COL25A1: variants seen among roughly 807,000 people sequenced by gnomAD.
COL25A1 encodes collagen type XXV alpha 1 chain.
In COL25A1, 103 loss-of-function variants were observed where a neutral mutation model predicts 128.4. The observed-to-expected ratio is 0.80, with a 90% CI of 0.68 to 0.94. The LOEUF (loss-of-function observed/expected upper bound fraction) is 0.94. Among genes scored for constraint, COL25A1 ranks in the 40% least tolerant of loss-of-function variants. COL25A1 has a pLI of 0.00. For synonymous variants in COL25A1, 279 were observed against 277.2 expected, an observed-to-expected ratio of 1.01 and a Z score of -0.06; for missense variants, 745 against 840.0, an observed-to-expected ratio of 0.89 and a Z score of 1.40.
chr4:109,075,694 A>C lies in COL25A1; in HGVS notation c.368-25515T>G, dbSNP rs539262456. Among the ~76,000 whole-genome samples the C allele has an allele frequency of 1.9e-4, 29 of 152,242 alleles. No individual in the cohort carries two copies. In the South Asian group the frequency reaches 5.8e-3, roughly 30 times the overall value. ...AATATGTAATAAAAATATATTAAGA[A>C]TTTTATGCCTTTCACTTCCTGTGTA... On this transcript the variant is annotated intron_variant, in intron 3 of 37. Transcript: ENST00000399132.
At chr4:109,291,008 T>G (rs1226022551) in intron 3 of COL25A1, among the ~76,000 whole-genome samples, 1 of 152,146 alleles carries the variant, frequency 6.6e-6, no homozygotes, top group African/African-American at 2.4e-5. Context: ...CCAGTCTTCC[T>G]TGAAGTCCAT....
rs1025597463 is a variant in COL25A1 at position 109,289,999 on chromosome 4, G to A, written c.367+10584C>T. On this transcript the variant is annotated intron_variant, in intron 3 of 37. Transcript: ENST00000399132. ...ATTAAAAATAAACAAAAGTACAGAT[G>A]TAATAACTTGAAAATGATGAGAAAA... Among the ~76,000 whole-genome samples the A allele has an allele frequency of 3.9e-5, 6 of 152,108 alleles. No individual in the cohort carries two copies. The South Asian group carries it at 1.2e-3, about 32-fold the overall frequency.
At chr4:109,051,845 G>T (rs1451871797) in intron 3 of COL25A1, among the ~76,000 whole-genome samples, 1 of 152,028 alleles carries the variant, frequency 6.6e-6, no homozygotes, top group African/African-American at 2.4e-5. Context: ...GCAGTCCTAT[G>T]ATTGAACTTA....
chr4:108,934,173 T>C (rs1747122432), intron 11 of COL25A1, among the ~76,000 whole-genome samples: 1 of 152,176 alleles, frequency 6.6e-6, no homozygotes, highest in Admixed American at 6.5e-5. Context: ...GATGAGTTCA[T>C]GTCCTTTGCA....
At chr4:108,917,245 G>T (rs1744980849) in intron 13 of COL25A1, among the ~76,000 whole-genome samples, 1 of 152,150 alleles carries the variant, frequency 6.6e-6, no homozygotes, top group South Asian at 2.1e-4. Flanking sequence ...AGAAAAGATG[G>T]ACTCAATGGA....
chr4:109,191,441 G>C (rs933617707), intron 3 of COL25A1, among the ~76,000 whole-genome samples: 3 of 152,130 alleles, frequency 2.0e-5, no homozygotes, highest in East Asian at 3.9e-4. Context: ...GTGAAACACA[G>C]GGAGCTTGGC....
At chr4:109,273,844 T>C (rs1455008217) in intron 3 of COL25A1, among the ~76,000 whole-genome samples, 1 of 152,172 alleles carries the variant, frequency 6.6e-6, no homozygotes, top group Non-Finnish European at 1.5e-5. Context: ...GTCCAAGTTA[T>C]TGCTTGGAAT....
chr4:109,049,477 G>C (rs1760783042), intron 4 of COL25A1, among the ~76,000 whole-genome samples: 1 of 152,180 alleles, frequency 6.6e-6, no homozygotes, highest in African/African-American at 2.4e-5. Flanking sequence ...ATGTCCTGAA[G>C]TAGGAATCAG....
chr4:109,156,590 A>G (rs187378532), intron 3 of COL25A1, among the ~76,000 whole-genome samples: 248 of 152,318 alleles, frequency 1.6e-3, no homozygotes, highest in African/African-American at 5.8e-3. Flanking sequence ...TTGCTACATC[A>G]ACTACAAAGC....
At position 108,844,520 on chromosome 4, in the gene COL25A1, A is replaced by G; in HGVS notation, c.1628T>C (p.Met543Thr). ...ATTTCAGAAAGAAGGGAAACTTACC[A>G]TGGGGCCAGGTGGGCCATGGGGACC... Reference protein sequence around the residue: ...PPGPHGPPGPMGPHGLPGPKG... With the variant: ...PPGPHGPPGPTGPHGLPGPKG... Residue 543 changes from methionine to threonine, a missense_variant and splice_region_variant, in exon 30 of 38, where the codon ATG (methionine) becomes ACG (threonine). Physicochemically the swap from Met to Thr is moderately conservative, Grantham distance 81 (BLOSUM62 -1). Coordinates refer to ENST00000399132, the MANE Select transcript of COL25A1 (RefSeq NM_198721.4). The G allele has an allele frequency of 6.2e-7, 1 of 1,614,118 alleles. No homozygotes were observed. The highest frequency in any genetic ancestry group is 8.5e-7 in the Non-Finnish European group (1 of 1,179,970).
chr4:108,824,972 C>T (rs1330120837), intron 34 of COL25A1, among the ~76,000 whole-genome samples: 1 of 152,096 alleles, frequency 6.6e-6, no homozygotes, highest in Non-Finnish European at 1.5e-5. Flanking sequence ...CCACTATCCA[C>T]TACCAGTTAT....
At chr4:108,838,273 G>C in intron 31 of COL25A1, 1 of 843,084 alleles carries the variant, frequency 1.2e-6, no homozygotes, top group Non-Finnish European at 1.9e-6. Context: ...GCAGATTCCA[G>C]TTTTAGGAAA....
chr4:109,114,137 G>C (rs1767299309), intron 3 of COL25A1, among the ~76,000 whole-genome samples: 1 of 152,084 alleles, frequency 6.6e-6, no homozygotes, highest in Admixed American at 6.6e-5. Flanking sequence ...TTTGTGAGTA[G>C]TTCTGTATAA....
intron 6 of COL25A1, among the ~76,000 whole-genome samples, chr4:108,982,965 G>A (rs1753153016): frequency 6.6e-6 from 1 of 152,076 alleles, no homozygotes; most frequent in South Asian, 2.1e-4. Context: ...CATTAAAAAA[G>A]GACTCTCAAA....
chr4:109,269,947 A>C (rs1220178741), intron 3 of COL25A1, among the ~76,000 whole-genome samples: 1 of 152,284 alleles, frequency 6.6e-6, no homozygotes, highest in South Asian at 2.1e-4. Context: ...TCCAGCATAT[A>C]AACAGAGCCA....
rs573463463 is a variant in COL25A1 at position 108,809,153 on chromosome 4, TA to T, written c.*4773del. 6.0e-5 allele frequency: 9 copies of T among 151,126 alleles called. No homozygotes were observed. In the East Asian group the frequency reaches 1.7e-3, roughly 29 times the overall value. The allele number at this position is 151,126 out of a possible 1,614,324, so 9.4% of individuals were successfully genotyped here. A position where few individuals can be genotyped will look rare whatever the true frequency, so the allele number is the denominator to read the frequency against. On this transcript the variant is annotated 3_prime_UTR_variant, in exon 38 of 38. Coordinates refer to ENST00000399132, the MANE Select transcript of COL25A1 (RefSeq NM_198721.4). ...TGTATGAGACTGGCCCACAAACATT[TA>T]AAAAAATATGCAGTGTAATGCTTGC...
In COL25A1 at chr4:109,209,790, C is replaced by T. The variant is rs142841058; in HGVS notation, c.367+90793G>A. Among the ~76,000 whole-genome samples, 1,629 of 152,138 alleles carry T rather than the reference C, an allele frequency of 0.011. 60 individuals are homozygous for T. In the South Asian group the frequency reaches 0.14, roughly 13 times the overall value. On this transcript the variant is annotated intron_variant, in intron 3 of 37. Coordinates refer to ENST00000399132, the MANE Select transcript of COL25A1 (RefSeq NM_198721.4). ...ACCTCAAGCCTGGAGAGGTGGCTCA[C>T]GACTGTAATCTCAGCACTTTGGGAG...
intron 3 of COL25A1, among the ~76,000 whole-genome samples, chr4:109,282,156 A>T (rs551165922): frequency 6.6e-6 from 1 of 152,122 alleles, no homozygotes; most frequent in Admixed American, 6.5e-5. Flanking sequence ...CAACGAAATC[A>T]TTTTTTTAAT....
At chr4:109,107,106 A>T (rs1393289784) in intron 3 of COL25A1, among the ~76,000 whole-genome samples, 3 of 152,152 alleles carry the variant, frequency 2.0e-5, no homozygotes, top group Admixed American at 1.3e-4. Context: ...AGTTTTTTTT[A>T]AACTTAGTTT....
Sources: gnomAD v4.1 joint callset for allele counts (sites outside exome capture counted in the v4.1 genomes callset) on GRCh38, gnomAD v4.1.1 for gene constraint, MANE v1.5 for transcripts, NCBI Gene and HGNC (gene_info 2026-07-23, HGNC 2026-07-21) for gene names.